Variants in FGGY observed in about 807,000 individuals in gnomAD.
FGGY encodes FGGY carbohydrate kinase domain-containing protein.
Under a neutral mutation model 71.3 loss-of-function variants are expected in FGGY, and 72 were observed. The ratio of observed to expected loss-of-function variants is 1.01; its 90% CI spans 0.84 to 1.23. FGGY has a LOEUF of 1.23. Ranked by LOEUF, FGGY falls within the 50% of genes most tolerant of loss-of-function variation. The pLI is 0.00. For missense variants in FGGY, 668 were observed against 682.3 expected, an observed-to-expected ratio of 0.98 and a Z score of 0.23; for synonymous variants, 251 against 250.3, an observed-to-expected ratio of 1.00 and a Z score of -0.02.
chr1:59,644,790 A>G (rs2153904421), intron 11 of FGGY, among the ~76,000 whole-genome samples: 1 of 152,254 alleles, frequency 6.6e-6, no homozygotes, highest in African/African-American at 2.4e-5. Context: ...ATCCTGGCCA[A>G]CATGGTGAAA....
At chr1:59,642,671 G>A (rs1323725789) in intron 11 of FGGY, among the ~76,000 whole-genome samples, 2 of 151,032 alleles carry the variant, frequency 1.3e-5, no homozygotes, top group East Asian at 4.0e-4. Context: ...CTGTATGCTG[G>A]GAAATACTGA....
chr1:59,612,805 T>C (rs187392061), intron 9 of FGGY, among the ~76,000 whole-genome samples: 6 of 152,234 alleles, frequency 3.9e-5, no homozygotes, highest in African/African-American at 1.4e-4. Flanking sequence ...GAGGAAGATC[T>C]ACCAAGCAAA....
chr1:59,663,023 G>C lies in FGGY; in HGVS notation c.1296+2730G>C, dbSNP rs555507486. Among the ~76,000 whole-genome samples, 13 of 123,322 alleles carry C rather than the reference G, an allele frequency of 1.1e-4. No homozygotes were observed. In the East Asian group the frequency reaches 2.4e-3, roughly 23 times the overall value. The allele number at this position is 123,322 out of a possible 152,430, so 80.9% of individuals were successfully genotyped here. On this transcript the variant is annotated intron_variant, in intron 12 of 15. Coordinates refer to ENST00000303721, the MANE Select transcript of FGGY (RefSeq NM_018291.5). The stretch of plus-strand genomic sequence containing the variant: ...ATTCCCCCTTTTGAGCACATGCTAA[G>C]AGGAGGACATGAAGGATGAGGCAAA...
At chr1:59,603,576 T>C (rs1436510497) in intron 8 of FGGY, among the ~76,000 whole-genome samples, 1 of 152,216 alleles carries the variant, frequency 6.6e-6, no homozygotes, top group African/African-American at 2.4e-5. Flanking sequence ...TCCTCCCATT[T>C]TGGAGTTGAG....
chr1:59,609,293 A>T (rs2096652838), intron 9 of FGGY, among the ~76,000 whole-genome samples: 1 of 152,210 alleles, frequency 6.6e-6, no homozygotes, highest in Non-Finnish European at 1.5e-5. Flanking sequence ...CATGCTAAGG[A>T]ATTGAACTTC....
chr1:59,464,359 T>C lies in FGGY; in HGVS notation c.670+7283T>C, dbSNP rs376368054. Among the ~76,000 whole-genome samples the C allele has an allele frequency of 1.3e-3, 200 of 152,304 alleles. 1 individual carries two copies. Among genetic ancestry groups the C allele is most frequent in the Admixed American group, 3.1e-3 (47 of 15,298 alleles). ...CGTACCAGAATCTCTGGGACACGTTTAAAGCAGTGTGTAGAGGGAAACTTA... is the reference window on the plus strand; with the variant it reads ...CGTACCAGAATCTCTGGGACACGTTCAAAGCAGTGTGTAGAGGGAAACTTA... On this transcript the variant is annotated intron_variant, in intron 6 of 15. Transcript: ENST00000303721.
At chr1:59,385,485 T>G (rs974042000) in intron 5 of FGGY, among the ~76,000 whole-genome samples, 1 of 152,206 alleles carries the variant, frequency 6.6e-6, no homozygotes, top group Non-Finnish European at 1.5e-5. Context: ...TCATTACCGC[T>G]TTGCAATTCA....
rs538590557 is a variant in FGGY at position 59,342,796 on chromosome 1, T to C, written c.313+2727T>C. 1.1e-3 allele frequency among the ~76,000 whole-genome samples: 160 copies of C among 152,286 alleles called. 2 individuals carry two copies. The highest frequency in any genetic ancestry group is 6.2e-3 in the South Asian group (30 of 4,830). ...TGCAGATAACCTAAAACCAAACCCA[T>C]AAGACCAGCAAAAGTATTGCCGTCT... is the stretch of plus-strand genomic sequence containing the variant. On this transcript the variant is annotated intron_variant, in intron 3 of 15. Transcript: ENST00000303721.
chr1:59,519,771 G>T (rs923383342), intron 7 of FGGY, among the ~76,000 whole-genome samples: 5 of 152,304 alleles, frequency 3.3e-5, no homozygotes, highest in South Asian at 2.1e-4. Flanking sequence ...CAAGGTAGAG[G>T]TTGTTTCCCC....
At chr1:59,718,868 C>T (rs1248268893) in intron 14 of FGGY, among the ~76,000 whole-genome samples, 8 of 152,232 alleles carry the variant, frequency 5.3e-5, no homozygotes, top group Non-Finnish European at 1.0e-4. Flanking sequence ...AGCCCCTGGC[C>T]TCCTGGCTCA....
intron 5 of FGGY, among the ~76,000 whole-genome samples, chr1:59,383,948 C>T (rs571390256): frequency 1.3e-5 from 2 of 152,202 alleles, no homozygotes; most frequent in South Asian, 2.1e-4. Context: ...GGCTGTGTCA[C>T]GGGTGCGTCC....
chr1:59,313,112 T>C (rs1343341156), intron 1 of FGGY, among the ~76,000 whole-genome samples: 3 of 152,200 alleles, frequency 2.0e-5, no homozygotes, highest in Non-Finnish European at 4.4e-5. Flanking sequence ...GGTACCTCCA[T>C]TAACTGCTGA....
At chr1:59,535,746 G>T (rs1198954627) in intron 7 of FGGY, among the ~76,000 whole-genome samples, 2 of 148,732 alleles carry the variant, frequency 1.3e-5, no homozygotes, top group East Asian at 4.0e-4. Context: ...GGTACATAAC[G>T]AAATGAAGGC....
At chr1:59,512,945 C>T (rs930463316) in intron 7 of FGGY, among the ~76,000 whole-genome samples, 4 of 152,152 alleles carry the variant, frequency 2.6e-5, no homozygotes, top group Non-Finnish European at 5.9e-5. Flanking sequence ...GAACACTTAC[C>T]ATGTCCAGGC....
intron 6 of FGGY, among the ~76,000 whole-genome samples, chr1:59,470,000 T>G (rs2092857454): frequency 6.6e-6 from 1 of 152,222 alleles, no homozygotes; most frequent in Non-Finnish European, 1.5e-5. Flanking sequence ...AGTCTACCAT[T>G]GATGGGCATT....
intron 12 of FGGY, among the ~76,000 whole-genome samples, chr1:59,664,855 C>T (rs147643840): frequency 1.3e-5 from 2 of 151,968 alleles, no homozygotes; most frequent in African/African-American, 2.4e-5. Context: ...CCTAAGACCA[C>T]ATTTTTAATT....
chr1:59,360,701 T>C (rs2055326876), intron 4 of FGGY, among the ~76,000 whole-genome samples: 1 of 152,192 alleles, frequency 6.6e-6, no homozygotes, highest in Admixed American at 6.5e-5. Context: ...GAAAGAAAAT[T>C]AGTGAGGTCT....
intron 2 of FGGY, among the ~76,000 whole-genome samples, chr1:59,330,841 A>G (rs958438262): frequency 2.2e-4 from 33 of 152,132 alleles, no homozygotes; most frequent in African/African-American, 8.0e-4. Context: ...ACCAATGGGG[A>G]GCTCCTCTAG....
intron 7 of FGGY, among the ~76,000 whole-genome samples, chr1:59,546,249 A>G (rs1446356960): frequency 6.6e-6 from 1 of 152,190 alleles, no homozygotes; most frequent in African/African-American, 2.4e-5. Flanking sequence ...AGACTGAGAC[A>G]TAGGAAACTT....
Sources: allele counts gnomAD v4.1 joint callset (sites outside exome capture counted in the v4.1 genomes callset), GRCh38; gene constraint gnomAD v4.1.1; transcripts MANE v1.5; gene names NCBI Gene and HGNC (gene_info 2026-07-23, HGNC 2026-07-21).